Variants in PDXK observed in about 807,000 individuals in gnomAD.
The protein encoded by PDXK is pyridoxal kinase.
In PDXK, 15 loss-of-function variants were observed where a neutral mutation model predicts 43.2. The ratio of observed to expected loss-of-function variants is 0.35; its 90% CI spans 0.23 to 0.53. The LOEUF (loss-of-function observed/expected upper bound fraction) is 0.53. Among genes scored for constraint, PDXK ranks in the 20% least tolerant of loss-of-function variants. The pLI, the probability that PDXK is intolerant of heterozygous loss-of-function variation, is 0.92. For missense variants in PDXK, 343 were observed against 417.0 expected, an observed-to-expected ratio of 0.82 and a Z score of 1.54; for synonymous variants, 172 against 165.4, an observed-to-expected ratio of 1.04 and a Z score of -0.31.
Position 43,737,447 on chromosome 21 carries a change from G to A in PDXK, c.142+3324G>A, listed in dbSNP as rs1388313962. ...GTATTCCCAGTGGCCCCTTTGAGAG[G>A]ATTTCCTGGAGCTCCCTGTCTGAGC... On this transcript the variant is annotated intron_variant, in intron 2 of 10. Coordinates refer to ENST00000291565, the MANE Select transcript of PDXK (RefSeq NM_003681.5). This position sits in a 1 kb window ranked among gnomAD's most constrained non-coding sequence, Gnocchi z 4.8. The A allele has an allele frequency of 9.3e-7, 1 of 1,075,202 alleles. No individual in the cohort carries two copies. The highest frequency in any genetic ancestry group is 1.1e-6 in the Non-Finnish European group (1 of 882,850). 66.6% of individuals were successfully genotyped at this position (1,075,202 alleles called of 1,614,324 possible). A position where few individuals can be genotyped will look rare whatever the true frequency, so the allele number is the denominator to read the frequency against.
At chr21:43,740,794 G>C (rs1442353618) in intron 2 of PDXK, among the ~76,000 whole-genome samples, 1 of 151,808 alleles carries the variant, frequency 6.6e-6, no homozygotes, top group Non-Finnish European at 1.5e-5. Context: ...TCTTGCTCAG[G>C]AGTTGATCTA....
rs2083918335 is a variant in PDXK at position 43,760,574 on chromosome 21, G to A, written c.*4511G>A. ...GGGTTGCCGCCAGACCAGAGCCAGG[G>A]CCAGGTCCCTGCGTCCATCCCCCCC... On this transcript the variant is annotated 3_prime_UTR_variant, in exon 11 of 11. Coordinates refer to ENST00000291565, the MANE Select transcript of PDXK (RefSeq NM_003681.5). 3 of 152,278 alleles carry A rather than the reference G, an allele frequency of 2.0e-5. No homozygotes were observed. The highest frequency in any genetic ancestry group is 7.2e-5 in the African/African-American group (3 of 41,474). 9.4% of individuals were successfully genotyped at this position (152,278 alleles called of 1,614,324 possible). A position where few individuals can be genotyped will look rare whatever the true frequency, so the allele number is the denominator to read the frequency against.
chr21:43,746,613 T>G (rs1381714623), intron 5 of PDXK, among the ~76,000 whole-genome samples: 2 of 152,058 alleles, frequency 1.3e-5, no homozygotes, highest in Non-Finnish European at 2.9e-5. Flanking sequence ...TAGATACGAT[T>G]TCACTGTGTC....
rs574916323 is a variant in PDXK, at chr21:43,730,081, AT to A, written c.88-3987del. 6.5e-3 allele frequency among the ~76,000 whole-genome samples: 986 copies of A among 152,294 alleles called. 14 individuals are homozygous for A. Among genetic ancestry groups the A allele is most frequent in the African/African-American group, 0.022 (920 of 41,572 alleles). ...GTGGACCGTCACAGCAGGTATGGAC[AT>A]CAGAGAGTCTTGCTCATATCTGATT... On this transcript the variant is annotated intron_variant, in intron 1 of 10. Transcript: ENST00000291565.
rs964603755 is a variant in PDXK, at chr21:43,735,894, C to T, written c.142+1771C>T. Among the ~76,000 whole-genome samples, 12 of 152,322 alleles carry T rather than the reference C, an allele frequency of 7.9e-5. No homozygotes were observed. Among genetic ancestry groups the T allele is most frequent in the African/African-American group, 2.9e-4 (12 of 41,580 alleles). On this transcript the variant is annotated intron_variant, in intron 2 of 10. Coordinates refer to ENST00000291565, the MANE Select transcript of PDXK (RefSeq NM_003681.5). This position sits in a 1 kb window ranked among gnomAD's most constrained non-coding sequence, Gnocchi z 5.3. Reference sequence around the variant, plus strand: ...CCTTCTGCCTGCTCCCCTTCCCTCGCCCCTGCCACACTGTGCTGCTGGGGA... The same window carrying T: ...CCTTCTGCCTGCTCCCCTTCCCTCGTCCCTGCCACACTGTGCTGCTGGGGA...
Position 43,723,743 on chromosome 21 carries a change from CTG to C in PDXK, c.87+4365_87+4366del, listed in dbSNP as rs1441690737. The C allele has an allele frequency of 6.6e-6, 1 of 152,292 alleles. No homozygotes were observed. Among genetic ancestry groups the C allele is most frequent in the African/African-American group, 2.4e-5 (1 of 41,450 alleles). The allele number at this position is 152,292 out of a possible 1,614,324, so 9.4% of individuals were successfully genotyped here. On this transcript the variant is annotated intron_variant, in intron 1 of 10. Coordinates refer to ENST00000291565, the MANE Select transcript of PDXK (RefSeq NM_003681.5). The surrounding 1 kb of genome is among the most constrained non-coding windows in gnomAD (Gnocchi z 4.1). ...GGGGAGAGGCAAGCCTGTCCTGTCACTGTGCATCCCGTCCAGATGGACAGGTA... is the reference window on the plus strand; with the variant it reads ...GGGGAGAGGCAAGCCTGTCCTGTCACTGCATCCCGTCCAGATGGACAGGTA...
At chr21:43,744,324 G>GATCTACA in intron 4 of PDXK, 1 of 164,574 alleles carries the variant, frequency 6.1e-6, no homozygotes, top group Admixed American at 5.8e-5. Context: ...GCCAGGCAGT[G>GATCTACA]CTGGATCCAT....
At chr21:43,741,797 G>A in intron 3 of PDXK, 26 bp downstream of exon 3, 1 of 1,478,214 alleles carries the variant, frequency 6.8e-7, no homozygotes, top group Non-Finnish European at 9.4e-7. Context: ...AGCTGCCGCA[G>A]GGGACTACGC....
chr21:43,741,466 G>C (rs2147265772), intron 2 of PDXK: 1 of 1,174,200 alleles, frequency 8.5e-7, no homozygotes, highest in South Asian at 3.3e-5. Context: ...GGGGCTCGCG[G>C]GGGGCTCGAG....
In PDXK at chr21:43,750,592, G is replaced by C. The variant is rs968366738; in HGVS notation, c.510+47G>C. 2.7e-6 allele frequency: 4 copies of C among 1,474,874 alleles called. No homozygotes were observed. In the East Asian group the frequency reaches 6.9e-5, roughly 25 times the overall value. 91.4% of individuals were successfully genotyped at this position (1,474,874 alleles called of 1,614,324 possible). ...TGTGCGGGGCACATGTGCCGCTCAC[G>C]GTGGGGACGGGAGACAGGCTGCCTG... On this transcript the variant is annotated intron_variant, in intron 7 of 10. Coordinates refer to ENST00000291565, the MANE Select transcript of PDXK (RefSeq NM_003681.5).
chr21:43,737,722 TGCC>T lies in PDXK; in HGVS notation c.142+3601_142+3603del. ...GAGGGGCCAGGCCGGGCCAGGAGCC[TGCC>T]GACGGACACCAGCGAGGGGCCAGGC... On this transcript the variant is annotated intron_variant, in intron 2 of 10. Coordinates refer to ENST00000291565, the MANE Select transcript of PDXK (RefSeq NM_003681.5). This position sits in a 1 kb window ranked among gnomAD's most constrained non-coding sequence, Gnocchi z 4.8. 1 of 937,648 alleles carries T rather than the reference TGCC, an allele frequency of 1.1e-6. No individual in the cohort carries two copies. The highest frequency in any genetic ancestry group is 1.3e-6 in the Non-Finnish European group (1 of 796,096). The allele number at this position is 937,648 out of a possible 1,614,324, so 58.1% of individuals were successfully genotyped here. A position where few individuals can be genotyped will look rare whatever the true frequency, so the allele number is the denominator to read the frequency against.
At position 43,760,867 on chromosome 21, in the gene PDXK, C is replaced by G. The variant is rs1222199557; in HGVS notation, c.*4804C>G. 1 of 152,250 alleles carries G rather than the reference C, an allele frequency of 6.6e-6. No individual in the cohort carries two copies. The highest frequency in any genetic ancestry group is 2.4e-5 in the African/African-American group (1 of 41,468). The allele number at this position is 152,250 out of a possible 1,614,324, so 9.4% of individuals were successfully genotyped here. On this transcript the variant is annotated 3_prime_UTR_variant, in exon 11 of 11. Transcript: ENST00000291565. ...GGGCTTTCTGTCGCATGTGTGTCTC[C>G]TGTCGACTCTGCAGTTTGTTCTCAG...
At chr21:43,751,554 AAAAAC>A (rs921854601) in intron 7 of PDXK, among the ~76,000 whole-genome samples, 12 of 152,212 alleles carry the variant, frequency 7.9e-5, no homozygotes, top group South Asian at 2.1e-4. Flanking sequence ...CTCCATCTCA[AAAAAC>A]AAAACAAAAC....
intron 5 of PDXK, chr21:43,746,997 G>A (rs1312660609): frequency 6.6e-6 from 1 of 152,282 alleles, no homozygotes; most frequent in African/African-American, 2.4e-5. Flanking sequence ...AATGAGCTGG[G>A]TGTGGTGGCA....
intron 1 of PDXK, among the ~76,000 whole-genome samples, chr21:43,729,635 C>T (rs2083292832): frequency 6.6e-6 from 1 of 152,112 alleles, no homozygotes; most frequent in Admixed American, 6.6e-5. Flanking sequence ...ATGAGGGGAG[C>T]TAGGAGCAGA....
At chr21:43,746,538 A>G (rs918156058) in intron 5 of PDXK, among the ~76,000 whole-genome samples, 1 of 152,158 alleles carries the variant, frequency 6.6e-6, no homozygotes, top group Non-Finnish European at 1.5e-5. Flanking sequence ...TTAATGCCTC[A>G]GTCTCCCAAG....
At chr21:43,752,101 A>ATGTGTG (rs66466038) in intron 7 of PDXK, among the ~76,000 whole-genome samples, 1 of 146,498 alleles carries the variant, frequency 6.8e-6, no homozygotes, top group South Asian at 2.1e-4. Flanking sequence ...GATGCAGCAC[A>ATGTGTG]TGTGTGTGTG....
In PDXK at chr21:43,737,308, C is replaced by G. The variant is rs984317548; in HGVS notation, c.142+3185C>G. On this transcript the variant is annotated intron_variant, in intron 2 of 10. Transcript: ENST00000291565. This position sits in a 1 kb window ranked among gnomAD's most constrained non-coding sequence, Gnocchi z 4.8. ...GCCTCGCCGCCTCGAGGCTGCTGCT[C>G]GCACTTCTGCCCCTTCCCCCGGCCA... The G allele has an allele frequency of 1.3e-5, 18 of 1,385,760 alleles. No individual in the cohort carries two copies. Among genetic ancestry groups the G allele is most frequent in the Non-Finnish European group, 1.7e-5 (18 of 1,070,560 alleles). The allele number at this position is 1,385,760 out of a possible 1,614,324, so 85.8% of individuals were successfully genotyped here.
At position 43,752,577 on chromosome 21, in the gene PDXK, G is replaced by A. The variant is rs762546258; in HGVS notation, c.570G>A (p.Leu190=). 3.1e-6 allele frequency: 5 copies of A among 1,613,136 alleles called. No individual in the cohort carries two copies. The highest frequency in any genetic ancestry group is 3.4e-6 in the Non-Finnish European group (4 of 1,179,916). The change falls in exon 8 of 11, where the codon CTG becomes CTA. Residue 190 remains leucine (L), a synonymous_variant. Transcript: ENST00000291565. ...CCGTGGTCATCACCAGCTCCGACCT[G>A]CCCTCCCCGCAGGGCAGCAACTACC... The part of the protein sequence containing the change: ...PDTVVITSSD[L]PSPQGSNYLI...
Sources: gnomAD v4.1 joint callset for allele counts (sites outside exome capture counted in the v4.1 genomes callset) on GRCh38, gnomAD v4.1.1 for gene constraint, Gnocchi (gnomAD v3.1) non-coding constraint, MANE v1.5 for transcripts, NCBI Gene and HGNC (gene_info 2026-07-23, HGNC 2026-07-21) for gene names.